The following CLASRP variants were observed in gnomAD, a reference collection of about 807,000 sequenced individuals.
CLASRP encodes the protein CLK4 associating serine/arginine rich protein.
In CLASRP, 52 loss-of-function variants were observed where a neutral mutation model predicts 99.9. That is an observed-to-expected ratio of 0.52 (90% CI 0.42 to 0.66). CLASRP has a LOEUF of 0.66. Among genes scored for constraint, CLASRP ranks in the 30% least tolerant of loss-of-function variants. The pLI is 0.00. For synonymous variants in CLASRP, 379 were observed against 373.0 expected (o/e 1.02, Z -0.18); for missense variants, 848 against 999.2 (o/e 0.85, Z 2.04).
chr19:45,068,319 C>CT (rs1967142705), intron 15 of CLASRP, 101 bp from the exon 16 acceptor site: 5 of 636,974 alleles, frequency 7.8e-6, no homozygotes, highest in Non-Finnish European at 1.4e-5. Flanking sequence ...TCTCCCCCCC[C>CT]CACCCCCCCC....
In CLASRP at chr19:45,060,443, T is replaced by C. The variant is rs1568418233; in HGVS notation, c.765T>C (p.Leu255=). 1.2e-6 allele frequency: 2 copies of C among 1,614,028 alleles called. No homozygotes were observed. The highest frequency in any genetic ancestry group is 3.3e-5 in the Admixed American group (2 of 60,010). ...AGGCCATCAAGCATGCCAAGGCTCT[T>C]GAGGAGGAGAAGGCCATGTACTCGG... ...EAEAIKHAKA[L]EEEKAMYSGR... is the part of the protein sequence containing the mutation. The change falls in exon 9 of 21, where the codon CTT becomes CTC. Residue 255 remains leucine (L), a synonymous_variant. Coordinates refer to ENST00000221455, the MANE Select transcript of CLASRP (RefSeq NM_007056.3). The surrounding 1 kb of genome is among the most constrained non-coding windows in gnomAD (Gnocchi z 4.6).
Position 45,067,221 on chromosome 19 carries a change from C to A in CLASRP, c.1410-116C>A. 1 of 1,215,522 alleles carries A rather than the reference C, an allele frequency of 8.2e-7. No homozygotes were observed. Among genetic ancestry groups the A allele is most frequent in the Non-Finnish European group, 1.1e-6 (1 of 902,718 alleles). 75.3% of individuals were successfully genotyped at this position (1,215,522 alleles called of 1,614,324 possible). On this transcript the variant is annotated intron_variant, in intron 13 of 20. Transcript: ENST00000221455. The surrounding 1 kb of genome is among the most constrained non-coding windows in gnomAD (Gnocchi z 4.9). ...AGGGAGAGTAGCAGGAGAGGAGAGT[C>A]GAGCCTGTCACCCTGGGCCTTGCAG...
rs34898629 is a variant in CLASRP at position 45,043,411 on chromosome 19, CAAAAAA to C, written c.99+3118_99+3123del. On this transcript the variant is annotated intron_variant, in intron 2 of 20. Coordinates refer to ENST00000221455, the MANE Select transcript of CLASRP (RefSeq NM_007056.3). ...TGGGCGACAGAGCGAGACTCCGTCC[CAAAAAA>C]AAAAAAAAAAAAAAAAATTTTTTCC... is the stretch of plus-strand genomic sequence containing the variant. 5.6e-4 allele frequency among the ~76,000 whole-genome samples: 46 copies of C among 81,760 alleles called. No homozygotes were observed. The East Asian group carries it at 0.011, about 20-fold the overall frequency. 53.6% of individuals were successfully genotyped at this position (81,760 alleles called of 152,430 possible). A position where few individuals can be genotyped will look rare whatever the true frequency, so the allele number is the denominator to read the frequency against.
At chr19:45,055,324 G>A (rs1389740603) in intron 5 of CLASRP, among the ~76,000 whole-genome samples, 1 of 152,210 alleles carries the variant, frequency 6.6e-6, no homozygotes, top group Non-Finnish European at 1.5e-5. Context: ...GCAAAGCCCT[G>A]TGTCAGCCAG....
intron 4 of CLASRP, 37 bp downstream of exon 4, chr19:45,052,929 C>A: frequency 6.4e-7 from 1 of 1,568,458 alleles, no homozygotes; most frequent in Non-Finnish European, 8.7e-7. Context: ...GGCACAGCGT[C>A]ATACCCAGGA....
chr19:45,044,072 G>C (rs560757360), intron 2 of CLASRP, among the ~76,000 whole-genome samples: 1 of 152,314 alleles, frequency 6.6e-6, no homozygotes, highest in East Asian at 1.9e-4. Flanking sequence ...AGTAGAGACA[G>C]GGTTTCACCA....
chr19:45,046,210 G>T (rs1220638099), intron 2 of CLASRP, among the ~76,000 whole-genome samples: 4 of 152,184 alleles, frequency 2.6e-5, no homozygotes, highest in Non-Finnish European at 5.9e-5. Flanking sequence ...GCGAGTGTCA[G>T]TGAAGCTGCG....
intron 2 of CLASRP, among the ~76,000 whole-genome samples, chr19:45,045,182 A>G (rs558419433): frequency 1.3e-5 from 2 of 152,280 alleles, no homozygotes; most frequent in African/African-American, 4.8e-5. Context: ...CAGGGAGGAA[A>G]AAGGGAGGAA....
intron 11 of CLASRP, among the ~76,000 whole-genome samples, chr19:45,062,504 A>G (rs1966963724): frequency 6.6e-6 from 1 of 152,100 alleles, no homozygotes; most frequent in Non-Finnish European, 1.5e-5. Context: ...CAGCCTCCTG[A>G]GTAGCTGGGA....
chr19:45,052,982 C>A, intron 4 of CLASRP, 90 bp downstream of exon 4: 2 of 1,518,318 alleles, frequency 1.3e-6, no homozygotes, highest in South Asian at 1.2e-5. Flanking sequence ...TTCCTAGGAG[C>A]CGTTCCTATT....
chr19:45,060,102 A>G lies in CLASRP; in HGVS notation c.711-287A>G, dbSNP rs972369269. 4.6e-5 allele frequency among the ~76,000 whole-genome samples: 7 copies of G among 151,768 alleles called. No homozygotes were observed. The highest frequency in any genetic ancestry group is 1.7e-4 in the African/African-American group (7 of 41,280). On this transcript the variant is annotated intron_variant, in intron 8 of 20. Transcript: ENST00000221455. The surrounding 1 kb of genome is among the most constrained non-coding windows in gnomAD (Gnocchi z 4.6). ...CTGCAGCTTCCTCTGCCTTTGCTCT[A>G]CCATCTAATGGACCACACATTTTAT...
intron 20 of CLASRP, 107 bp from the exon 21 acceptor site, chr19:45,070,696 A>T: frequency 7.6e-7 from 1 of 1,307,718 alleles, no homozygotes; most frequent in South Asian, 1.2e-5. Context: ...CTTGGGGAAC[A>T]TCCTTCCCTC....
intron 19 of CLASRP, 43 bp from the exon 20 acceptor site, chr19:45,070,494 C>A: frequency 1.3e-6 from 2 of 1,598,256 alleles, no homozygotes; most frequent in Non-Finnish European, 1.7e-6. Flanking sequence ...GAGGCCCTGG[C>A]CCTGGATGTT....
At chr19:45,043,972 C>T (rs1341991775) in intron 2 of CLASRP, among the ~76,000 whole-genome samples, 2 of 152,090 alleles carry the variant, frequency 1.3e-5, no homozygotes, top group African/African-American at 4.8e-5. Context: ...ACCTCCGCCT[C>T]CCGGGTTCAA....
rs1967231116 is a variant in CLASRP at position 45,070,934 on chromosome 19, CAA to C, written c.*92_*93del. On this transcript the variant is annotated 3_prime_UTR_variant, in exon 21 of 21. Transcript: ENST00000221455. ...GGTTTTATCTCTAGTGAAATAAAGTCAAAAGTTATTTAATTCCCGTCACCTGT... is the reference window on the plus strand; with the variant it reads ...GGTTTTATCTCTAGTGAAATAAAGTCAAGTTATTTAATTCCCGTCACCTGT... 2 of 844,556 alleles carry C rather than the reference CAA, an allele frequency of 2.4e-6. No homozygotes were observed. The highest frequency in any genetic ancestry group is 2.4e-5 in the Admixed American group (1 of 41,382). The allele number at this position is 844,556 out of a possible 1,614,324, so 52.3% of individuals were successfully genotyped here.
At chr19:45,068,333 C>CCCCA in intron 15 of CLASRP, 87 bp from the exon 16 acceptor site, 1 of 645,626 alleles carries the variant, frequency 1.5e-6, no homozygotes, top group Non-Finnish European at 2.8e-6. Context: ...CCCCCCCCCG[C>CCCCA]ACAAAGCCCC....
intron 11 of CLASRP, among the ~76,000 whole-genome samples, chr19:45,062,608 C>T (rs1041136622): frequency 3.9e-5 from 6 of 152,166 alleles, no homozygotes; most frequent in African/African-American, 1.4e-4. Context: ...GTCTCAATCT[C>T]CTGACCTCGT....
At chr19:45,057,948 C>T (rs755536714) in intron 7 of CLASRP, 50 bp downstream of exon 7, 1 of 1,608,902 alleles carries the variant, frequency 6.2e-7, no homozygotes, top group Non-Finnish European at 8.5e-7. Flanking sequence ...GGCATCGTTT[C>T]TGTGTCTCGT....
intron 2 of CLASRP, among the ~76,000 whole-genome samples, chr19:45,042,778 G>A (rs1971837275): frequency 6.6e-6 from 1 of 151,956 alleles, no homozygotes; most frequent in Non-Finnish European, 1.5e-5. Context: ...CACTATGCCT[G>A]GCTAATTTTT....
Sources: gnomAD v4.1 joint callset for allele counts (sites outside exome capture counted in the v4.1 genomes callset) on GRCh38, gnomAD v4.1.1 for gene constraint, Gnocchi (gnomAD v3.1) non-coding constraint, MANE v1.5 for transcripts, NCBI Gene and HGNC (gene_info 2026-07-23, HGNC 2026-07-21) for gene names.